Variants in SEC16B observed in about 807,000 individuals in gnomAD.
SEC16B encodes SEC16 homolog B, endoplasmic reticulum export factor, also known as protein transport protein Sec16B.
Under a neutral mutation model 141.8 loss-of-function variants are expected in SEC16B, and 115 were observed. The ratio of observed to expected loss-of-function variants is 0.81; its 90% CI spans 0.70 to 0.95. The LOEUF (loss-of-function observed/expected upper bound fraction) is 0.95. Among genes scored for constraint, SEC16B ranks in the 40% least tolerant of loss-of-function variants. SEC16B has a pLI of 0.00. For missense variants in SEC16B, 1,291 were observed against 1,312.3 expected, an observed-to-expected ratio of 0.98 and a Z score of 0.25; for synonymous variants, 493 against 492.5, an observed-to-expected ratio of 1.00 and a Z score of -0.01.
chr1:177,954,427 C>G (rs1652442136), intron 10 of SEC16B, 51 bp from the exon 11 acceptor site: 1 of 1,456,454 alleles, frequency 6.9e-7, no homozygotes, highest in Admixed American at 2.0e-5. Context: ...CTTCCACTCA[C>G]AAGTTCCTGT....
Position 177,944,310 on chromosome 1 carries a change from G to A in SEC16B, c.1881+251C>T, listed in dbSNP as rs535931612. On this transcript the variant is annotated intron_variant, in intron 15 of 25. Coordinates refer to ENST00000308284, the MANE Select transcript of SEC16B (RefSeq NM_033127.4). The stretch of plus-strand genomic sequence containing the variant: ...CACAGGCCGGGGCGGCAGGCAGGAC[G>A]TTCAAACATCAGCAGTGAGGCAGGA... 1.1e-4 allele frequency among the ~76,000 whole-genome samples: 17 copies of A among 152,296 alleles called. No homozygotes were observed. The East Asian group carries it at 1.9e-3, about 17-fold the overall frequency.
In SEC16B at chr1:177,958,198, G is replaced by T. The variant is rs745766221; in HGVS notation, c.1299C>A (p.Pro433=). The T allele has an allele frequency of 3.4e-5, 54 of 1,588,280 alleles. No individual in the cohort carries two copies. The highest frequency in any genetic ancestry group is 1.7e-4 in the Middle Eastern group (1 of 6,016). Residue 433 remains proline, a synonymous_variant, in exon 10 of 26, where the codon CCC becomes CCA. Transcript: ENST00000308284. ...CGATCTGCGCAGGTGTCTCCACACT[G>T]GGGGGGATCTCTCCCGTGAGCAGGT... ...TPNLLTGEIP[P]SVETPAQIVE...
Position 177,931,858 on chromosome 1 carries a change from C to T in SEC16B, c.3012+632G>A, listed in dbSNP as rs34454145. ...ATGAAATCCATACTGATGTGGACAA[C>T]TCATCAAGAATTTGTCACAGCCCTG... On this transcript the variant is annotated intron_variant, in intron 24 of 25. Transcript: ENST00000308284. Among the ~76,000 whole-genome samples the T allele has an allele frequency of 3.4e-3, 523 of 152,206 alleles. 2 individuals carry two copies. The highest frequency in any genetic ancestry group is 2.9e-3 in the Non-Finnish European group (198 of 68,016).
rs1184075774 is a variant in SEC16B, at chr1:177,961,741, G to C, written c.643-7C>G. 6.2e-7 allele frequency: 1 copy of C among 1,612,416 alleles called. No homozygotes were observed. The highest frequency in any genetic ancestry group is 2.2e-5 in the East Asian group (1 of 44,860). ...ACTCACTAGCCAATGATGGCTGAAAGTTAAAAACAAAAACACACAGGAAGA... is the reference window on the plus strand; with the variant it reads ...ACTCACTAGCCAATGATGGCTGAAACTTAAAAACAAAAACACACAGGAAGA... On this transcript the variant is annotated splice_region_variant and splice_polypyrimidine_tract_variant and intron_variant, in intron 5 of 25. Transcript: ENST00000308284.
At chr1:177,977,170 C>A (rs1463192327) in intron 1 of SEC16B, among the ~76,000 whole-genome samples, 1 of 152,170 alleles carries the variant, frequency 6.6e-6, no homozygotes, top group East Asian at 1.9e-4. Flanking sequence ...GATACACATA[C>A]ACACACATTC....
In SEC16B at chr1:177,940,723, G is replaced by A. The variant is rs1381099878; in HGVS notation, c.2023-9C>T. On this transcript the variant is annotated splice_polypyrimidine_tract_variant and intron_variant, in intron 16 of 25. Coordinates refer to ENST00000308284, the MANE Select transcript of SEC16B (RefSeq NM_033127.4). ...TTCAGTTTCTCTGCTAGCTGTGCCA[G>A]GTTTCCAGATGGGTTAGGGGCAGAA... 1 of 1,608,636 alleles carries A rather than the reference G, an allele frequency of 6.2e-7. No homozygotes were observed. The highest frequency in any genetic ancestry group is 8.5e-7 in the Non-Finnish European group (1 of 1,176,080).
chr1:177,953,715 C>T (rs1368509530), intron 11 of SEC16B, among the ~76,000 whole-genome samples: 1 of 152,210 alleles, frequency 6.6e-6, no homozygotes, highest in Non-Finnish European at 1.5e-5. Context: ...ACCCAGATCA[C>T]AGTGTGCTGG....
intron 18 of SEC16B, 48 bp downstream of exon 18, chr1:177,939,654 G>C: frequency 7.2e-7 from 1 of 1,392,646 alleles, no homozygotes; most frequent in Non-Finnish European, 1.0e-6. Flanking sequence ...CGTAGAATCA[G>C]ATCCTGAGCG....
At chr1:177,967,345 A>G (rs1309521786) in intron 2 of SEC16B, among the ~76,000 whole-genome samples, 1 of 151,958 alleles carries the variant, frequency 6.6e-6, no homozygotes, top group Non-Finnish European at 1.5e-5. Flanking sequence ...TACATAAATG[A>G]ACTTTTGCAA....
chr1:177,965,186 C>T lies in SEC16B; in HGVS notation c.413-19G>A, dbSNP rs1174388816. On this transcript the variant is annotated intron_variant, in intron 3 of 25. Transcript: ENST00000308284. ...CTTGGCACTGCACCCTCAGAGAAAA[C>T]AAAATCAAGACAGGTCACTTCCTGT... The T allele has an allele frequency of 8.1e-6, 13 of 1,611,854 alleles. No individual in the cohort carries two copies. The highest frequency in any genetic ancestry group is 1.1e-5 in the Non-Finnish European group (13 of 1,179,086).
chr1:177,934,662 G>A (rs1252016253), intron 20 of SEC16B, among the ~76,000 whole-genome samples: 4 of 152,114 alleles, frequency 2.6e-5, no homozygotes, highest in Non-Finnish European at 5.9e-5. Context: ...AACCTGTGTC[G>A]GGTCACACAG....
At chr1:177,956,736 C>G (rs922062119) in intron 10 of SEC16B, among the ~76,000 whole-genome samples, 5 of 152,144 alleles carry the variant, frequency 3.3e-5, no homozygotes, top group African/African-American at 1.2e-4. Context: ...GCTGTGAAAT[C>G]AATACACATT....
At chr1:177,950,643 T>C (rs573377257) in intron 12 of SEC16B, among the ~76,000 whole-genome samples, 10 of 152,204 alleles carry the variant, frequency 6.6e-5, no homozygotes, top group African/African-American at 2.2e-4. Flanking sequence ...CATTTTGTCA[T>C]GAATTTAAGT....
At chr1:177,960,453 C>T (rs768099408) in intron 7 of SEC16B, 50 bp from the exon 8 acceptor site, 2 of 1,304,382 alleles carry the variant, frequency 1.5e-6, no homozygotes, top group South Asian at 2.5e-5. Context: ...CCACCCTAGG[C>T]CCCTTTCAGT....
chr1:177,952,308 T>C (rs1223623290), intron 11 of SEC16B, among the ~76,000 whole-genome samples: 1 of 152,118 alleles, frequency 6.6e-6, no homozygotes, highest in Non-Finnish European at 1.5e-5. Flanking sequence ...CTCTGACATC[T>C]CAAAGGTCCC....
intron 1 of SEC16B, among the ~76,000 whole-genome samples, chr1:177,976,118 C>T (rs1355188257): frequency 6.6e-6 from 1 of 152,188 alleles, no homozygotes; most frequent in Non-Finnish European, 1.5e-5. Flanking sequence ...TGTGGTTGCA[C>T]CCACAAAGGA....
At chr1:177,952,884 A>G (rs897386963) in intron 11 of SEC16B, among the ~76,000 whole-genome samples, 2 of 152,182 alleles carry the variant, frequency 1.3e-5, no homozygotes, top group African/African-American at 4.8e-5. Context: ...TGGTGTCACC[A>G]GTCTCCAGGA....
At chr1:177,984,134 T>C (rs1476406594) in intron 1 of SEC16B, 1 of 152,220 alleles carries the variant, frequency 6.6e-6, no homozygotes, top group African/African-American at 2.4e-5. Context: ...GTGAGAACTG[T>C]ATTCCCTCTT....
At chr1:177,974,271 A>G (rs1654081445), upstream of SEC16B, among the ~76,000 whole-genome samples, 1 of 152,190 alleles carries the variant, frequency 6.6e-6, no homozygotes, top group Non-Finnish European at 1.5e-5. Flanking sequence ...TAATGAGCTC[A>G]AGAGAAAGCA....
Sources: allele counts gnomAD v4.1 joint callset (sites outside exome capture counted in the v4.1 genomes callset), GRCh38; gene constraint gnomAD v4.1.1; transcripts MANE v1.5; gene names NCBI Gene and HGNC (gene_info 2026-07-23, HGNC 2026-07-21).